ATP8A2: variants seen among roughly 807,000 people sequenced by gnomAD.
ATP8A2 encodes the protein phospholipid-transporting ATPase IB.
ATP8A2 carries 100 observed loss-of-function variants against 165.6 expected under a neutral mutation model. The observed-to-expected ratio is 0.60, with a 90% CI of 0.51 to 0.71. The LOEUF is 0.71. Ranked by LOEUF, ATP8A2 falls within the 30% of genes least tolerant of loss-of-function variation. ATP8A2 has a pLI of 0.00. For synonymous variants in ATP8A2, 543 were observed against 548.8 expected (o/e 0.99, Z 0.15); for missense variants, 1,227 against 1,479.5 (o/e 0.83, Z 2.80).
intron 1 of ATP8A2, among the ~76,000 whole-genome samples, chr13:25,377,239 A>G (rs1484998717): frequency 6.6e-6 from 1 of 152,260 alleles, no homozygotes; most frequent in Non-Finnish European, 1.5e-5. Context: ...CTTCTGGTCA[A>G]TACCACACTG....
chr13:25,708,780 A>G (rs1406894155), intron 25 of ATP8A2, among the ~76,000 whole-genome samples: 3 of 152,106 alleles, frequency 2.0e-5, no homozygotes. Flanking sequence ...ACAAATGACA[A>G]AGAGGAATGT....
chr13:25,867,228 A>C (rs906266081), intron 33 of ATP8A2, among the ~76,000 whole-genome samples: 1 of 150,922 alleles, frequency 6.6e-6, no homozygotes, highest in Non-Finnish European at 1.5e-5. Context: ...TGCAAATCCC[A>C]GTGGACTGTA....
chr13:25,493,831 A>G (rs2036595210), intron 2 of ATP8A2, among the ~76,000 whole-genome samples: 1 of 152,128 alleles, frequency 6.6e-6, no homozygotes, highest in Non-Finnish European at 1.5e-5. Context: ...GGGAGGTGGC[A>G]CAGGAGCCCT....
intron 1 of ATP8A2, among the ~76,000 whole-genome samples, chr13:25,412,692 G>A (rs959023028): frequency 1.3e-5 from 2 of 152,194 alleles, no homozygotes; most frequent in African/African-American, 4.8e-5. Context: ...TAGGGGCCTA[G>A]GAAATGGGGG....
At chr13:25,451,207 T>C (rs2138237246) in intron 1 of ATP8A2, among the ~76,000 whole-genome samples, 1 of 152,276 alleles carries the variant, frequency 6.6e-6, no homozygotes, top group Non-Finnish European at 1.5e-5. Context: ...TCCTTCCCTT[T>C]GCAGTGCCTA....
intron 33 of ATP8A2, among the ~76,000 whole-genome samples, chr13:25,898,733 G>A (rs1953643796): frequency 6.6e-6 from 1 of 152,120 alleles, no homozygotes; most frequent in Admixed American, 6.5e-5. Flanking sequence ...GCAATGGTGG[G>A]CGCCCCTCCA....
chr13:25,461,512 C>T (rs889122275), intron 1 of ATP8A2, among the ~76,000 whole-genome samples: 9 of 152,096 alleles, frequency 5.9e-5, no homozygotes, highest in South Asian at 2.1e-4. Context: ...CCTCATGTTA[C>T]GAAGGCTTTG....
intron 19 of ATP8A2, among the ~76,000 whole-genome samples, chr13:25,576,221 A>G (rs1200030766): frequency 1.3e-5 from 2 of 152,160 alleles, no homozygotes; most frequent in Non-Finnish European, 2.9e-5. Flanking sequence ...AGAGCTGAAG[A>G]GAGACTCTCC....
chr13:25,599,907 C>T (rs2040337820), intron 24 of ATP8A2, among the ~76,000 whole-genome samples: 1 of 152,114 alleles, frequency 6.6e-6, no homozygotes, highest in Admixed American at 6.6e-5. Flanking sequence ...CAGTTTTTCA[C>T]CTTTGGAATA....
intron 33 of ATP8A2, among the ~76,000 whole-genome samples, chr13:25,957,629 G>A (rs1216691244): frequency 6.6e-6 from 1 of 152,238 alleles, no homozygotes; most frequent in Non-Finnish European, 1.5e-5. Flanking sequence ...ATGCTGGAGA[G>A]GATGTGGAGA....
intron 25 of ATP8A2, among the ~76,000 whole-genome samples, chr13:25,758,207 A>G (rs1366721663): frequency 6.6e-6 from 1 of 152,232 alleles, no homozygotes; most frequent in East Asian, 1.9e-4. Context: ...GATGATCATT[A>G]CTCATTTCAT....
rs7987831 is a variant in ATP8A2 at position 25,597,718 on chromosome 13, G to C, written c.2211+8019G>C. ...CATGAGGTCCTAAGCAGCAGATTTAGCTAAGCTGTGCATGGATTTCTTATG... is the reference window on the plus strand; with the variant it reads ...CATGAGGTCCTAAGCAGCAGATTTACCTAAGCTGTGCATGGATTTCTTATG... On this transcript the variant is annotated intron_variant, in intron 24 of 36. Transcript: ENST00000381655. Among the ~76,000 whole-genome samples the C allele has an allele frequency of 5.1e-3, 776 of 152,318 alleles. 3 individuals are homozygous for C. The highest frequency in any genetic ancestry group is 0.018 in the African/African-American group (738 of 41,578).
At chr13:25,457,388 A>G (rs2035392811) in intron 1 of ATP8A2, among the ~76,000 whole-genome samples, 2 of 152,238 alleles carry the variant, frequency 1.3e-5, no homozygotes, top group Non-Finnish European at 1.5e-5. Flanking sequence ...TGTAGGTAAA[A>G]GGACATATCA....
intron 33 of ATP8A2, among the ~76,000 whole-genome samples, chr13:25,911,632 C>T (rs1254473919): frequency 6.6e-6 from 1 of 152,130 alleles, no homozygotes; most frequent in Non-Finnish European, 1.5e-5. Flanking sequence ...AAGGATAGGA[C>T]CTGGGCCCAA....
intron 13 of ATP8A2, 63 bp downstream of exon 13, chr13:25,555,131 C>A: frequency 8.2e-7 from 1 of 1,222,578 alleles, no homozygotes; most frequent in Non-Finnish European, 1.2e-6. Flanking sequence ...TGAGTGTTAG[C>A]AGAAGAACCA....
At position 25,820,469 on chromosome 13, in the gene ATP8A2, C is replaced by T. The variant is rs535985096; in HGVS notation, c.2680-7649C>T. On this transcript the variant is annotated intron_variant, in intron 27 of 36. Transcript: ENST00000381655. ...ACAAGAAACTAAAGGCAGAGGAATC[C>T]TTTTCCCATTAGTCCAAGAGTAAAA... Among the ~76,000 whole-genome samples the T allele has an allele frequency of 8.9e-4, 136 of 152,272 alleles. 1 individual carries two copies. The highest frequency in any genetic ancestry group is 3.4e-3 in the Middle Eastern group (1 of 294).
At chr13:25,510,659 C>T (rs543117578) in intron 2 of ATP8A2, among the ~76,000 whole-genome samples, 5 of 152,232 alleles carry the variant, frequency 3.3e-5, no homozygotes, top group South Asian at 2.1e-4. Context: ...TGTCAATTGC[C>T]GCTGGCAAAA....
chr13:25,420,704 TAAAAAA>T (rs2034274618), intron 1 of ATP8A2, among the ~76,000 whole-genome samples: 1 of 152,164 alleles, frequency 6.6e-6, no homozygotes, highest in Admixed American at 6.5e-5. Flanking sequence ...TCACAGAACT[TAAAAAA>T]GAAAAGAGTT....
intron 1 of ATP8A2, among the ~76,000 whole-genome samples, chr13:25,442,957 G>T (rs374285758): frequency 8.3e-4 from 126 of 152,242 alleles, no homozygotes; most frequent in African/African-American, 3.0e-3. Context: ...TCCTTTATCA[G>T]ATGTGGGATT....
Sources: allele counts gnomAD v4.1 joint callset (sites outside exome capture counted in the v4.1 genomes callset), GRCh38; gene constraint gnomAD v4.1.1; transcripts MANE v1.5; gene names NCBI Gene and HGNC (gene_info 2026-07-23, HGNC 2026-07-21).